The following ANK3 variants were observed in gnomAD, a reference collection of about 807,000 sequenced individuals.
ANK3 encodes ankyrin-3.
ANK3 carries 57 observed loss-of-function variants against 370.9 expected under a neutral mutation model. The ratio of observed to expected loss-of-function variants is 0.15; its 90% CI spans 0.12 to 0.19. The LOEUF (loss-of-function observed/expected upper bound fraction) is 0.19. Among genes scored for constraint, ANK3 ranks in the 10% least tolerant of loss-of-function variants. ANK3 has a pLI of 1.00. For synonymous variants in ANK3, 1,929 were observed against 1,946.3 expected, an observed-to-expected ratio of 0.99 and a Z score of 0.23; for missense variants, 4,439 against 5,302.1, an observed-to-expected ratio of 0.84 and a Z score of 5.06.
intron 26 of ANK3, among the ~76,000 whole-genome samples, chr10:60,112,291 A>C (rs1287213286): frequency 6.6e-6 from 1 of 150,644 alleles, no homozygotes; most frequent in Non-Finnish European, 1.5e-5. Context: ...TGATTCAAAA[A>C]ACTCTTCAAC....
intron 1 of ANK3, among the ~76,000 whole-genome samples, chr10:60,692,589 T>A (rs1047473939): frequency 4.6e-5 from 7 of 152,220 alleles, no homozygotes; most frequent in African/African-American, 7.2e-5. Context: ...TCTTTTCTAC[T>A]CTGAATTTTT....
chr10:60,389,042 G>T (rs1240569695), intron 1 of ANK3, among the ~76,000 whole-genome samples: 1 of 152,106 alleles, frequency 6.6e-6, no homozygotes, highest in African/African-American at 2.4e-5. Flanking sequence ...CCTCTAAGAA[G>T]TACAAAGCCT....
intron 8 of ANK3, among the ~76,000 whole-genome samples, chr10:60,217,052 T>C (rs371124674): frequency 1.3e-5 from 2 of 152,196 alleles, no homozygotes; most frequent in East Asian, 1.9e-4. Flanking sequence ...TTTATTTCCA[T>C]AAAGGTGTTT....
At chr10:60,271,974 C>G (rs767405871) in intron 4 of ANK3, among the ~76,000 whole-genome samples, 1 of 151,292 alleles carries the variant, frequency 6.6e-6, no homozygotes, top group Non-Finnish European at 1.5e-5. Flanking sequence ...CAATCTTCTT[C>G]CTTTTAAATT....
At chr10:60,409,454 A>G (rs796393936) in intron 2 of ANK3, among the ~76,000 whole-genome samples, 14 of 152,368 alleles carry the variant, frequency 9.2e-5, no homozygotes, top group African/African-American at 3.1e-4. Context: ...TTTCTGATTA[A>G]GTAAAAAGAT....
chr10:60,483,267 C>A (rs568937600), intron 2 of ANK3, among the ~76,000 whole-genome samples: 6 of 152,266 alleles, frequency 3.9e-5, no homozygotes, highest in Admixed American at 1.3e-4. Context: ...GCATGAAATA[C>A]CATGATTCAT....
chr10:60,125,872 T>A (rs2093731006), intron 25 of ANK3, among the ~76,000 whole-genome samples: 1 of 152,236 alleles, frequency 6.6e-6, no homozygotes, highest in African/African-American at 2.4e-5. Flanking sequence ...CACTACTTGC[T>A]AACATATCAA....
chr10:60,290,200 A>C (rs1015638563), intron 1 of ANK3, among the ~76,000 whole-genome samples: 10 of 152,220 alleles, frequency 6.6e-5, no homozygotes, highest in African/African-American at 2.4e-4. Flanking sequence ...TCTGTCAGTA[A>C]AAACCTTGGA....
intron 1 of ANK3, among the ~76,000 whole-genome samples, chr10:60,649,382 T>G (rs1386141763): frequency 6.6e-6 from 1 of 152,198 alleles, no homozygotes; most frequent in Non-Finnish European, 1.5e-5. Flanking sequence ...TAGTAATCAT[T>G]TAAGCTATAA....
At chr10:60,601,202 C>T (rs917265223) in intron 2 of ANK3, among the ~76,000 whole-genome samples, 3 of 146,884 alleles carry the variant, frequency 2.0e-5, no homozygotes, top group Admixed American at 6.8e-5. Flanking sequence ...CACACATACC[C>T]GCACACACAC....
chr10:60,723,003 AAACT>A (rs1482744804), intron 1 of ANK3, among the ~76,000 whole-genome samples: 4 of 152,320 alleles, frequency 2.6e-5, no homozygotes, highest in African/African-American at 7.2e-5. Flanking sequence ...AGCAACACAA[AAACT>A]AACCCACTAA....
At chr10:60,505,130 G>A (rs1460698408) in intron 2 of ANK3, among the ~76,000 whole-genome samples, 1 of 152,096 alleles carries the variant, frequency 6.6e-6, no homozygotes, top group Non-Finnish European at 1.5e-5. Flanking sequence ...ATATGGCAAA[G>A]TGTTGAAGCT....
chr10:60,218,463 G>A (rs979369696), intron 8 of ANK3, among the ~76,000 whole-genome samples: 1 of 152,098 alleles, frequency 6.6e-6, no homozygotes, highest in Admixed American at 6.6e-5. Context: ...AAGAGCTGTT[G>A]TAAGGCAGGC....
intron 2 of ANK3, among the ~76,000 whole-genome samples, chr10:60,457,242 A>G (rs2064770608): frequency 6.6e-6 from 1 of 152,194 alleles, no homozygotes; most frequent in South Asian, 2.1e-4. Flanking sequence ...AGGAATGGGT[A>G]GAAATGATGG....
At chr10:60,535,770 A>G (rs1176467377) in intron 2 of ANK3, among the ~76,000 whole-genome samples, 1 of 152,028 alleles carries the variant, frequency 6.6e-6, no homozygotes, top group Non-Finnish European at 1.5e-5. Flanking sequence ...ATATACATAT[A>G]CTACATAAAG....
chr10:60,650,810 A>T (rs1470569062), intron 1 of ANK3, among the ~76,000 whole-genome samples: 1 of 152,212 alleles, frequency 6.6e-6, no homozygotes, highest in Admixed American at 6.5e-5. Flanking sequence ...TGGGCCCAGC[A>T]TGGTAGCTCA....
At position 60,577,213 on chromosome 10, in the gene ANK3, G is replaced by A. The variant is rs1387521266; in HGVS notation, c.96+37973C>T. On this transcript the variant is annotated intron_variant, in intron 2 of 43. Transcript: ENST00000373827. ...GCTGGCATTGTCTTAGGCTAAGGAT[G>A]GTCTTGTAGTTAGTTCCACCACATC... 7.2e-5 allele frequency among the ~76,000 whole-genome samples: 11 copies of A among 152,168 alleles called. No homozygotes were observed. The South Asian group carries it at 1.0e-3, about 14-fold the overall frequency.
chr10:60,560,013 A>C (rs2077297777), intron 2 of ANK3, among the ~76,000 whole-genome samples: 1 of 152,136 alleles, frequency 6.6e-6, no homozygotes, highest in African/African-American at 2.4e-5. Flanking sequence ...ACTGCACTCC[A>C]GCCTGGGTGA....
chr10:60,038,468 C>G (rs2075516119), intron 43 of ANK3, among the ~76,000 whole-genome samples: 1 of 152,070 alleles, frequency 6.6e-6, no homozygotes, highest in Non-Finnish European at 1.5e-5. Flanking sequence ...TGGTTTTTTG[C>G]TTGTAAAAAG....
Sources: allele counts gnomAD v4.1 joint callset (sites outside exome capture counted in the v4.1 genomes callset), GRCh38; gene constraint gnomAD v4.1.1; transcripts MANE v1.5; gene names NCBI Gene and HGNC (gene_info 2026-07-23, HGNC 2026-07-21).